RIMS2: variants seen among roughly 807,000 people sequenced by gnomAD.
RIMS2 encodes the protein regulating synaptic membrane exocytosis protein 2.
RIMS2 carries 59 observed loss-of-function variants against 174.4 expected under a neutral mutation model. The observed-to-expected ratio is 0.34, with a 90% CI of 0.27 to 0.42. The LOEUF (loss-of-function observed/expected upper bound fraction) is 0.42. Ranked by LOEUF, RIMS2 falls within the 10% of genes least tolerant of loss-of-function variation. The pLI is 1.00. For synonymous variants in RIMS2, 606 were observed against 572.5 expected (o/e 1.06, Z -0.84); for missense variants, 1,620 against 1,666.3 (o/e 0.97, Z 0.48).
At chr8:103,985,435 C>T (rs1271484898) in intron 16 of RIMS2, among the ~76,000 whole-genome samples, 5 of 133,324 alleles carry the variant, frequency 3.8e-5, no homozygotes, top group African/African-American at 1.5e-4. Context: ...GATTGTGCCA[C>T]TGCACTCCAG....
At chr8:103,701,152 C>T (rs2097161935) in intron 2 of RIMS2, among the ~76,000 whole-genome samples, 2 of 152,020 alleles carry the variant, frequency 1.3e-5, no homozygotes, top group Admixed American at 6.6e-5. Context: ...TCTTGAAGGG[C>T]AAGTCTGCTG....
chr8:103,846,749 C>T (rs1214370065), intron 3 of RIMS2, among the ~76,000 whole-genome samples: 1 of 152,138 alleles, frequency 6.6e-6, no homozygotes, highest in Non-Finnish European at 1.5e-5. Flanking sequence ...TCTGTGCTCA[C>T]AATTTCTGTA....
chr8:103,555,169 C>A (rs1316172897), intron 1 of RIMS2, among the ~76,000 whole-genome samples: 1 of 151,742 alleles, frequency 6.6e-6, no homozygotes, highest in Non-Finnish European at 1.5e-5. Context: ...GCACATGTAC[C>A]CCTGAAGCTA....
At chr8:104,235,543 T>C (rs1222380596) in intron 19 of RIMS2, among the ~76,000 whole-genome samples, 1 of 152,066 alleles carries the variant, frequency 6.6e-6, no homozygotes, top group Non-Finnish European at 1.5e-5. Context: ...TTTTCCCAAC[T>C]TTTATTTTGA....
intron 2 of RIMS2, among the ~76,000 whole-genome samples, chr8:103,751,860 T>TG (rs1246591474): frequency 6.6e-6 from 1 of 151,942 alleles, no homozygotes; most frequent in East Asian, 1.9e-4. Flanking sequence ...CTTTGTCAGA[T>TG]GAGTAGGTTG....
intron 14 of RIMS2, among the ~76,000 whole-genome samples, chr8:103,957,115 G>T (rs946659440): frequency 2.0e-5 from 3 of 148,374 alleles, no homozygotes; most frequent in African/African-American, 7.3e-5. Flanking sequence ...TGCTGGAGAG[G>T]ATATCGAGAA....
exon 24 of RIMS2, chr8:104,251,674 G>A (rs755446341): frequency 1.2e-6 from 2 of 1,609,672 alleles, no homozygotes; most frequent in Admixed American, 1.7e-5. Context: ...ACTTTTAGAT[G>A]AACTAGAGCT....
Position 104,117,586 on chromosome 8 carries a change from C to G in RIMS2, c.3334+102971C>G, listed in dbSNP as rs984961258. On this transcript the variant is annotated intron_variant, in intron 19 of 23. Coordinates refer to ENST00000504942, the Ensembl canonical transcript of RIMS2. ...GAAATCCTGGCCTCAAGCAATCCCC[C>G]CTTCCTGGGCCTCCCAAAGTGCTGG... Among the ~76,000 whole-genome samples the G allele has an allele frequency of 1.6e-4, 24 of 152,232 alleles. No homozygotes were observed. The South Asian group carries it at 4.4e-3, about 28-fold the overall frequency.
At chr8:103,974,942 T>C (rs1274836226) in intron 15 of RIMS2, among the ~76,000 whole-genome samples, 2 of 152,350 alleles carry the variant, frequency 1.3e-5, no homozygotes, top group Non-Finnish European at 2.9e-5. Context: ...AAGATGTTAA[T>C]GTTTAGGAGT....
intron 19 of RIMS2, among the ~76,000 whole-genome samples, chr8:104,026,539 C>T (rs2096262160): frequency 6.6e-6 from 1 of 151,624 alleles, no homozygotes; most frequent in Non-Finnish European, 1.5e-5. Flanking sequence ...TGAAAATACA[C>T]AATGAGATGG....
intron 3 of RIMS2, among the ~76,000 whole-genome samples, chr8:103,794,242 C>T (rs558707105): frequency 1.3e-5 from 2 of 152,156 alleles, no homozygotes; most frequent in Admixed American, 1.3e-4. Flanking sequence ...GAGATATAGA[C>T]CAATGGAACA....
intron 19 of RIMS2, among the ~76,000 whole-genome samples, chr8:104,080,551 T>C (rs1451588978): frequency 2.0e-5 from 3 of 152,024 alleles, no homozygotes; most frequent in Non-Finnish European, 4.4e-5. Context: ...GTTTTGCATA[T>C]TTTACATGAA....
intron 17 of RIMS2, among the ~76,000 whole-genome samples, chr8:104,006,114 G>C (rs2095566355): frequency 6.6e-6 from 1 of 151,976 alleles, no homozygotes; most frequent in Non-Finnish European, 1.5e-5. Context: ...TCAAAACTAA[G>C]TTCTATTTAC....
At chr8:103,749,084 C>T (rs2097854411) in intron 2 of RIMS2, among the ~76,000 whole-genome samples, 1 of 151,694 alleles carries the variant, frequency 6.6e-6, no homozygotes, top group African/African-American at 2.4e-5. Context: ...CAGGCATTAG[C>T]CACCGTGCCT....
At chr8:104,169,603 T>C (rs2098820380) in intron 19 of RIMS2, among the ~76,000 whole-genome samples, 1 of 151,918 alleles carries the variant, frequency 6.6e-6, no homozygotes, top group South Asian at 2.1e-4. Context: ...TAATGGTCTA[T>C]CAATTTTATC....
chr8:103,816,247 C>CA (rs1204718124), intron 3 of RIMS2, among the ~76,000 whole-genome samples: 1 of 151,806 alleles, frequency 6.6e-6, no homozygotes, highest in Non-Finnish European at 1.5e-5. Context: ...AATAAACAAG[C>CA]AAAAAAATAA....
At chr8:103,823,105 A>T (rs1037728484) in intron 3 of RIMS2, among the ~76,000 whole-genome samples, 4 of 151,932 alleles carry the variant, frequency 2.6e-5, no homozygotes, top group African/African-American at 9.7e-5. Context: ...TACAACGAAG[A>T]GATCTGTATT....
At chr8:104,098,173 A>C (rs1052388288) in intron 19 of RIMS2, among the ~76,000 whole-genome samples, 1 of 152,182 alleles carries the variant, frequency 6.6e-6, no homozygotes, top group Non-Finnish European at 1.5e-5. Flanking sequence ...AAATGTTTGA[A>C]TATAATATTT....
chr8:104,148,962 G>A, intron 19 of RIMS2, 114 bp downstream of exon 25: 1 of 1,093,792 alleles, frequency 9.1e-7, no homozygotes. Flanking sequence ...ATGTTCCAGA[G>A]GGAAAGGGCA....
Sources: allele counts gnomAD v4.1 joint callset (sites outside exome capture counted in the v4.1 genomes callset), GRCh38; gene constraint gnomAD v4.1.1; transcripts MANE v1.5; gene names NCBI Gene and HGNC (gene_info 2026-07-23, HGNC 2026-07-21).